Variants in RASSF8 observed in about 807,000 individuals in gnomAD.
The protein encoded by RASSF8 is Ras association domain family member 8, also known as ras association domain-containing protein 8.
RASSF8 carries 22 observed loss-of-function variants against 48.5 expected under a neutral mutation model. The ratio of observed to expected loss-of-function variants is 0.45; its 90% confidence interval spans 0.32 to 0.65. RASSF8 has a LOEUF of 0.65. Ranked by LOEUF, RASSF8 falls within the 30% of genes least tolerant of loss-of-function variation. The probability of loss-of-function intolerance (pLI) is 0.03; values close to 1 mark genes in which losing one functional copy is unlikely to be tolerated. For synonymous variants in RASSF8, 127 were observed against 171.5 expected (o/e 0.74, Z 2.03); for missense variants, 418 against 489.2 (o/e 0.85, Z 1.37).
rs145358914 is a variant in RASSF8 at position 26,065,057 on chromosome 12, G to T, written c.663G>T (p.Glu221Asp). 1.2e-6 allele frequency: 2 copies of T among 1,613,616 alleles called. No homozygotes were observed. The highest frequency in any genetic ancestry group is 2.7e-5 in the African/African-American group (2 of 74,890). Residue 221 changes from glutamate to aspartate, a missense_variant, in exon 4 of 6, where the codon GAG (glutamate) becomes GAT (aspartate). Transcript: ENST00000689635. Reference protein sequence around the residue: ...QKIKRNDVEIEEEEFWENELQ... With the variant: ...QKIKRNDVEIDEEEFWENELQ... ...TCAAAAGAAACGATGTAGAAATTGA[G>T]GAGGAAGAATTCTGGGAAAATGAAT...
chr12:25,974,860 C>T (rs1941568306), intron 1 of RASSF8, among the ~76,000 whole-genome samples: 3 of 152,046 alleles, frequency 2.0e-5, no homozygotes, highest in Non-Finnish European at 4.4e-5. Flanking sequence ...TAATTGATGT[C>T]GGTGGATTGG....
chr12:26,035,716 T>G (rs1360765087), intron 2 of RASSF8, among the ~76,000 whole-genome samples: 4 of 145,176 alleles, frequency 2.8e-5, no homozygotes, highest in Non-Finnish European at 6.0e-5. Context: ...ATGTTAACTG[T>G]GTGAAGTTCT....
chr12:26,043,370 G>A (rs1943306452), intron 2 of RASSF8, among the ~76,000 whole-genome samples: 1 of 152,172 alleles, frequency 6.6e-6, no homozygotes, highest in Non-Finnish European at 1.5e-5. Flanking sequence ...AAGGGTAGAG[G>A]GGAACTGGGA....
chr12:26,076,144 C>A (rs554920777), downstream of RASSF8, among the ~76,000 whole-genome samples: 45 of 152,302 alleles, frequency 3.0e-4, no homozygotes, highest in Non-Finnish European at 5.3e-4. Context: ...CTAGTCTTCT[C>A]TTTCCCAGGC....
Position 26,065,099 on chromosome 12 carries a change from A to G in RASSF8, c.705A>G (p.Glu235=). 1.9e-6 allele frequency: 3 copies of G among 1,614,090 alleles called. No homozygotes were observed. Among genetic ancestry groups the G allele is most frequent in the Non-Finnish European group, 1.7e-6 (2 of 1,179,990 alleles). ...AAAATGAATTACAGATTGAACAGGA[A>G]AATGAAAAACAGCTGAAGGATCAAC... is the stretch of plus-strand genomic sequence containing the variant. ...FWENELQIEQ[E]NEKQLKDQLQ... is the part of the protein sequence containing the mutation. The change falls in exon 4 of 6, where the codon GAA becomes GAG. Residue 235 remains glutamate (E), a synonymous_variant. Transcript: ENST00000689635.
intron 2 of RASSF8, among the ~76,000 whole-genome samples, chr12:26,017,671 T>C (rs1942683324): frequency 6.6e-6 from 1 of 152,230 alleles, no homozygotes; most frequent in Non-Finnish European, 1.5e-5. Context: ...CTGGCTCTTG[T>C]ACACTGTAGG....
At chr12:26,050,900 A>G (rs1427009758) in intron 2 of RASSF8, among the ~76,000 whole-genome samples, 2 of 152,198 alleles carry the variant, frequency 1.3e-5, no homozygotes, top group Non-Finnish European at 2.9e-5. Flanking sequence ...TTGTTTTGAA[A>G]TGGCAAGTTT....
chr12:26,078,274 C>T (rs1432311407), intron 5 of RASSF8, among the ~76,000 whole-genome samples: 1 of 152,106 alleles, frequency 6.6e-6, no homozygotes, highest in African/African-American at 2.4e-5. Context: ...ATAAAAGCAG[C>T]AAAGAGGGAT....
chr12:25,982,107 A>G (rs570753083), intron 1 of RASSF8, among the ~76,000 whole-genome samples: 11 of 152,314 alleles, frequency 7.2e-5, no homozygotes, highest in African/African-American at 2.6e-4. Context: ...AAAGTGATTT[A>G]TATGCTGAAT....
intron 2 of RASSF8, among the ~76,000 whole-genome samples, chr12:25,997,032 T>TCCCCCA (rs1942150197): frequency 2.0e-5 from 3 of 152,212 alleles, no homozygotes; most frequent in Non-Finnish European, 4.4e-5. Context: ...TTACATTTTT[T>TCCCCCA]TCCCCATAAT....
chr12:25,980,113 C>T (rs77970499), intron 1 of RASSF8, among the ~76,000 whole-genome samples: 7,953 of 152,166 alleles, frequency 0.052, 256 homozygotes, highest in Middle Eastern at 0.095. Flanking sequence ...TTCTAAGTAC[C>T]GACCTCCATG....
intron 2 of RASSF8, among the ~76,000 whole-genome samples, chr12:26,040,709 C>G (rs191408537): frequency 1.6e-4 from 24 of 152,254 alleles, no homozygotes; most frequent in Admixed American, 1.2e-3. Flanking sequence ...TCCTTGCTTC[C>G]CATTTTAATA....
Position 26,069,990 on chromosome 12 carries a change from G to A in RASSF8, c.*1172G>A, listed in dbSNP as rs1434234686. ...CATTTGTACATATGTTATTTTATTT[G>A]TAAAACCAAATATGACTCAACACCT... On this transcript the variant is annotated 3_prime_UTR_variant, in exon 6 of 6. Transcript: ENST00000689635. 1.0e-6 allele frequency: 1 copy of A among 976,160 alleles called. No homozygotes were observed. The highest frequency in any genetic ancestry group is 1.8e-5 in the African/African-American group (1 of 56,974). The allele number at this position is 976,160 out of a possible 1,614,324, so 60.5% of individuals were successfully genotyped here. A position where few individuals can be genotyped will look rare whatever the true frequency, so the allele number is the denominator to read the frequency against.
chr12:26,077,043 G>T (rs200064724), downstream of RASSF8, among the ~76,000 whole-genome samples: 2 of 152,192 alleles, frequency 1.3e-5, no homozygotes, highest in South Asian at 2.1e-4. Context: ...TCATGTGTCT[G>T]TTGGCTGCAT....
At chr12:25,987,028 G>A (rs1183578559) in intron 1 of RASSF8, among the ~76,000 whole-genome samples, 1 of 135,816 alleles carries the variant, frequency 7.4e-6, no homozygotes, top group South Asian at 2.2e-4. Context: ...CTCGCCTCCC[G>A]GGTTCAAGCG....
intron 2 of RASSF8, chr12:26,020,062 T>C (rs1942750778): frequency 1.3e-5 from 2 of 152,084 alleles, no homozygotes; most frequent in African/African-American, 4.8e-5. Flanking sequence ...AAATAGAGAA[T>C]ATTACTGTAT....
intron 2 of RASSF8, among the ~76,000 whole-genome samples, chr12:26,047,272 G>A (rs2729630): frequency 0.027 from 4,150 of 152,216 alleles, 181 homozygotes; most frequent in African/African-American, 0.096. Context: ...AGGTCAAATT[G>A]TAAGGTCCCA....
chr12:25,967,466 C>G (rs1941386462), intron 1 of RASSF8, among the ~76,000 whole-genome samples: 1 of 151,996 alleles, frequency 6.6e-6, no homozygotes, highest in Non-Finnish European at 1.5e-5. Flanking sequence ...TTTAATTTTT[C>G]TATTCTTGAT....
At chr12:26,018,350 T>G (rs1465945040) in intron 2 of RASSF8, among the ~76,000 whole-genome samples, 1 of 152,152 alleles carries the variant, frequency 6.6e-6, no homozygotes, top group Non-Finnish European at 1.5e-5. Context: ...TTTTAATAAA[T>G]CAATTTTTTA....
Sources: gnomAD v4.1 joint callset for allele counts (sites outside exome capture counted in the v4.1 genomes callset) on GRCh38, gnomAD v4.1.1 for gene constraint, MANE v1.5 for transcripts, NCBI Gene and HGNC (gene_info 2026-07-23, HGNC 2026-07-21) for gene names.